Variants in GLIS1 observed in about 807,000 individuals in gnomAD.
The protein encoded by GLIS1 is zinc finger protein GLIS1.
GLIS1 carries 24 observed loss-of-function variants against 63.8 expected under a neutral mutation model. The observed-to-expected ratio is 0.38, with a 90% CI of 0.27 to 0.53. The LOEUF is 0.53. Among genes scored for constraint, GLIS1 ranks in the 20% least tolerant of loss-of-function variants. The pLI is 0.85. For synonymous variants in GLIS1, 450 were observed against 482.5 expected, an observed-to-expected ratio of 0.93 and a Z score of 0.88; for missense variants, 1,036 against 1,074.1, an observed-to-expected ratio of 0.96 and a Z score of 0.50.
At chr1:53,629,052 T>G (rs1255083903) in intron 2 of GLIS1, among the ~76,000 whole-genome samples, 2 of 152,036 alleles carry the variant, frequency 1.3e-5, no homozygotes, top group African/African-American at 4.8e-5. Context: ...TGCATGCACA[T>G]GTACACACAT....
chr1:53,579,061 CAA>C (rs55929702), intron 4 of GLIS1, among the ~76,000 whole-genome samples: 9,890 of 129,424 alleles, frequency 0.076, 833 homozygotes, highest in African/African-American at 0.21. Context: ...ATTTAAAATC[CAA>C]AAAAAAAAAA....
At chr1:53,513,517 C>A (rs534146706) in intron 8 of GLIS1, among the ~76,000 whole-genome samples, 1 of 152,214 alleles carries the variant, frequency 6.6e-6, no homozygotes, top group Non-Finnish European at 1.5e-5. Context: ...CCCAGCTTCT[C>A]CACTCATCCA....
At chr1:53,663,707 A>T (rs1453364589) in intron 2 of GLIS1, among the ~76,000 whole-genome samples, 3 of 152,092 alleles carry the variant, frequency 2.0e-5, no homozygotes, top group Non-Finnish European at 4.4e-5. Flanking sequence ...CAACTCTGGC[A>T]CTTCACTGGA....
intron 1 of GLIS1, among the ~76,000 whole-genome samples, chr1:53,738,476 C>A (rs1646934562): frequency 6.6e-6 from 1 of 152,186 alleles, no homozygotes; most frequent in Admixed American, 6.5e-5. Flanking sequence ...ACGGAGCCGG[C>A]GGCAACGAGG....
intron 2 of GLIS1, among the ~76,000 whole-genome samples, chr1:53,622,165 C>T (rs1326543377): frequency 2.6e-5 from 4 of 151,876 alleles, no homozygotes; most frequent in East Asian, 2.0e-4. Context: ...CAGTGGCTCA[C>T]GCCTGTAATC....
chr1:53,506,514 G>T lies in GLIS1; in HGVS notation c.*105C>A. 8.0e-7 allele frequency: 1 copy of T among 1,243,990 alleles called. No homozygotes were observed. Among genetic ancestry groups the T allele is most frequent in the Non-Finnish European group, 1.1e-6 (1 of 874,370 alleles). 77.1% of individuals were successfully genotyped at this position (1,243,990 alleles called of 1,614,324 possible). On this transcript the variant is annotated 3_prime_UTR_variant, in exon 11 of 11. Transcript: ENST00000628545. ...CCTGGGTCATGGCCTGGCTGTTCCG[G>T]CTGTGGCCTGGCACTCCTGCTAGGT...
intron 4 of GLIS1, among the ~76,000 whole-genome samples, chr1:53,547,828 T>C (rs1644720051): frequency 6.6e-6 from 1 of 152,182 alleles, no homozygotes; most frequent in Non-Finnish European, 1.5e-5. Flanking sequence ...TCATTAGAAA[T>C]ATGGTTCATA....
chr1:53,695,965 G>A (rs548013320), intron 2 of GLIS1, among the ~76,000 whole-genome samples: 5 of 152,312 alleles, frequency 3.3e-5, no homozygotes, highest in African/African-American at 1.2e-4. Context: ...AGCTGTGGGT[G>A]CCAGAGCATC....
In GLIS1 at chr1:53,630,326, C is replaced by T. The variant is rs114925614; in HGVS notation, c.260-30048G>A. On this transcript the variant is annotated intron_variant, in intron 2 of 10. Transcript: ENST00000628545. ...GTGATGGGTGCTCTTGCATATAAAT[C>T]ACTGTCTGTCTCTCCAAATGCTTCC... Among the ~76,000 whole-genome samples the T allele has an allele frequency of 1.0e-3, 154 of 152,240 alleles. 1 individual carries two copies. The highest frequency in any genetic ancestry group is 3.5e-3 in the African/African-American group (147 of 41,528).
chr1:53,706,970 G>T (rs1174421432), intron 2 of GLIS1, among the ~76,000 whole-genome samples: 2 of 152,142 alleles, frequency 1.3e-5, no homozygotes, highest in South Asian at 4.1e-4. Context: ...AAGTGCTCCT[G>T]GCTGGACCAA....
chr1:53,737,731 G>T, intron 2 of GLIS1, 75 bp downstream of exon 2: 2 of 1,217,298 alleles, frequency 1.6e-6, no homozygotes, highest in South Asian at 4.2e-5. Flanking sequence ...AAGCTCTCCC[G>T]AGCACGCGGT....
Position 53,506,379 on chromosome 1 carries a change from T to A in GLIS1, c.*240A>T, listed in dbSNP as rs1011570132. On this transcript the variant is annotated 3_prime_UTR_variant, in exon 11 of 11. Coordinates refer to ENST00000628545, the MANE Select transcript of GLIS1 (RefSeq NM_001367484.1). ...TGCGGGGAGGAACGGGAAGACAAGA[T>A]CGAGGGAATGTTACAGGGCCACAGA... 4 of 507,188 alleles carry A rather than the reference T, an allele frequency of 7.9e-6. No individual in the cohort carries two copies. The highest frequency in any genetic ancestry group is 1.4e-5 in the Non-Finnish European group (4 of 285,682). 31.4% of individuals were successfully genotyped at this position (507,188 alleles called of 1,614,324 possible).
chr1:53,614,448 G>C (rs1645457850), intron 2 of GLIS1, among the ~76,000 whole-genome samples: 1 of 152,090 alleles, frequency 6.6e-6, no homozygotes, highest in Non-Finnish European at 1.5e-5. Context: ...GGCCAGGTGT[G>C]GCTGGAGCCT....
chr1:53,543,239 G>A (rs562582797), intron 4 of GLIS1, among the ~76,000 whole-genome samples: 2 of 152,216 alleles, frequency 1.3e-5, no homozygotes, highest in South Asian at 2.1e-4. Context: ...CCTCCCTCAC[G>A]GGGAAGTGGT....
intron 2 of GLIS1, among the ~76,000 whole-genome samples, chr1:53,722,694 C>T (rs1330952487): frequency 6.6e-6 from 1 of 150,482 alleles, no homozygotes; most frequent in Non-Finnish European, 1.5e-5. Context: ...ATTAGCCAGG[C>T]GTGGTGGCGT....
At chr1:53,573,530 G>A (rs747771759) in intron 4 of GLIS1, among the ~76,000 whole-genome samples, 9 of 152,136 alleles carry the variant, frequency 5.9e-5, no homozygotes, top group Non-Finnish European at 8.8e-5. Context: ...GAGATGTGCA[G>A]ACACACACAG....
chr1:53,564,174 A>G (rs1644915921), intron 4 of GLIS1, among the ~76,000 whole-genome samples: 1 of 152,206 alleles, frequency 6.6e-6, no homozygotes, highest in Non-Finnish European at 1.5e-5. Flanking sequence ...CCAGAACTAG[A>G]ACACTGTACA....
chr1:53,551,763 C>T (rs1428076750), intron 4 of GLIS1, among the ~76,000 whole-genome samples: 3 of 152,078 alleles, frequency 2.0e-5, no homozygotes, highest in East Asian at 3.9e-4. Context: ...TGTGTCAGGG[C>T]TCAAACCCTG....
At chr1:53,638,357 C>A (rs1347605783) in intron 2 of GLIS1, among the ~76,000 whole-genome samples, 1 of 151,976 alleles carries the variant, frequency 6.6e-6, no homozygotes, top group African/African-American at 2.4e-5. Flanking sequence ...CTGCAGGAAA[C>A]CAAGCTGAGC....
Sources: gnomAD v4.1 joint callset for allele counts (sites outside exome capture counted in the v4.1 genomes callset) on GRCh38, gnomAD v4.1.1 for gene constraint, MANE v1.5 for transcripts, NCBI Gene and HGNC (gene_info 2026-07-23, HGNC 2026-07-21) for gene names.